The following SGCZ variants were observed in gnomAD, a reference collection of about 807,000 sequenced individuals.
The protein encoded by SGCZ is sarcoglycan zeta.
A neutral mutation model predicts 41.3 loss-of-function variants in SGCZ; 40 were observed. The ratio of observed to expected loss-of-function variants is 0.97; its 90% confidence interval spans 0.75 to 1.26. SGCZ has a LOEUF of 1.26. Among genes scored for constraint, SGCZ ranks in the 50% most tolerant of loss-of-function variants. The probability of loss-of-function intolerance (pLI) is 0.00; values close to 1 mark genes in which losing one functional copy is unlikely to be tolerated. For synonymous variants in SGCZ, 206 were observed against 137.5 expected (o/e 1.50, Z -3.49); for missense variants, 552 against 369.8 (o/e 1.49, Z -4.04).
At chr8:14,989,126 A>C (rs765007745) in intron 1 of SGCZ, among the ~76,000 whole-genome samples, 8 of 152,170 alleles carry the variant, frequency 5.3e-5, no homozygotes, top group Non-Finnish European at 1.0e-4. Context: ...ACCCCAGTTA[A>C]GTTTATGGGA....
intron 1 of SGCZ, among the ~76,000 whole-genome samples, chr8:14,718,757 A>G (rs1327172897): frequency 6.6e-6 from 1 of 151,638 alleles, no homozygotes; most frequent in East Asian, 1.9e-4. Flanking sequence ...TTAATGAAGC[A>G]ATGGAGAAGA....
intron 2 of SGCZ, among the ~76,000 whole-genome samples, chr8:14,373,243 T>A (rs973550211): frequency 1.3e-5 from 2 of 152,308 alleles, no homozygotes; most frequent in Admixed American, 1.3e-4. Flanking sequence ...CAAAAGACCG[T>A]TGGCATTCAC....
At chr8:14,142,809 T>G (rs2116928982) in intron 5 of SGCZ, among the ~76,000 whole-genome samples, 1 of 152,076 alleles carries the variant, frequency 6.6e-6, no homozygotes, top group East Asian at 1.9e-4. Context: ...GAGATCTGGT[T>G]GTTTAAAAGT....
In SGCZ at chr8:15,020,463, A is replaced by G. The variant is rs574482386; in HGVS notation, c.39+217122T>C. Reference sequence around the variant, plus strand: ...GAAGGCTGGGGACATGGGTGCATATATATATGAGGAGATGTTCTTATGCAT... The same window carrying G: ...GAAGGCTGGGGACATGGGTGCATATGTATATGAGGAGATGTTCTTATGCAT... On this transcript the variant is annotated intron_variant, in intron 1 of 7. Coordinates refer to ENST00000382080, the MANE Select transcript of SGCZ (RefSeq NM_139167.4). 5.3e-5 allele frequency among the ~76,000 whole-genome samples: 8 copies of G among 152,198 alleles called. No homozygotes were observed. The South Asian group carries it at 6.2e-4, about 12-fold the overall frequency.
intron 2 of SGCZ, among the ~76,000 whole-genome samples, chr8:14,371,385 T>G (rs544150409): frequency 1.4e-4 from 22 of 152,170 alleles, no homozygotes; most frequent in African/African-American, 5.3e-4. Flanking sequence ...AGTGATAACA[T>G]TTTCCGGTAT....
At chr8:15,210,741 C>T (rs542983617) in intron 1 of SGCZ, among the ~76,000 whole-genome samples, 3 of 152,196 alleles carry the variant, frequency 2.0e-5, no homozygotes, top group Non-Finnish European at 2.9e-5. Flanking sequence ...TCCACACCAG[C>T]GCCCATGCTT....
chr8:14,296,163 C>A (rs1361113002), intron 3 of SGCZ, among the ~76,000 whole-genome samples: 1 of 152,178 alleles, frequency 6.6e-6, no homozygotes, highest in Non-Finnish European at 1.5e-5. Flanking sequence ...CAAGATCTAT[C>A]TGATCTGGCA....
chr8:14,555,202 C>T (rs1468523943), intron 1 of SGCZ, among the ~76,000 whole-genome samples: 1 of 151,924 alleles, frequency 6.6e-6, no homozygotes, highest in Non-Finnish European at 1.5e-5. Flanking sequence ...AAGTTTTTCC[C>T]TTGGGAGGCT....
At chr8:14,198,287 G>A (rs934462886) in intron 4 of SGCZ, among the ~76,000 whole-genome samples, 5 of 152,252 alleles carry the variant, frequency 3.3e-5, no homozygotes, top group Non-Finnish European at 5.9e-5. Flanking sequence ...AACTGTCATG[G>A]TATTATAGTG....
intron 1 of SGCZ, among the ~76,000 whole-genome samples, chr8:14,966,046 A>T (rs1420445741): frequency 6.6e-6 from 1 of 152,074 alleles, no homozygotes; most frequent in African/African-American, 2.4e-5. Context: ...TTAGTTAACT[A>T]ATGAATTTAC....
rs943468441 is a variant in SGCZ, at chr8:14,534,278, G to C, written c.234+20454C>G. Among the ~76,000 whole-genome samples, 19 of 152,014 alleles carry C rather than the reference G, an allele frequency of 1.2e-4. No individual in the cohort carries two copies. In the East Asian group the frequency reaches 3.3e-3, roughly 26 times the overall value. ...GGAAGCAGGTGCAGAAACAGAAGAA[G>C]GGCTCATTGGTGTTCAGTGAAAATG... On this transcript the variant is annotated intron_variant, in intron 2 of 7. Coordinates refer to ENST00000382080, the MANE Select transcript of SGCZ (RefSeq NM_139167.4).
At position 14,164,655 on chromosome 8, in the gene SGCZ, T is replaced by C. The variant is rs879111179; in HGVS notation, c.472A>G (p.Ser158Gly). 6.2e-7 allele frequency: 1 copy of C among 1,613,662 alleles called. No homozygotes were observed. The highest frequency in any genetic ancestry group is 8.5e-7 in the Non-Finnish European group (1 of 1,179,710). The change falls in exon 5 of 8, where the codon AGT becomes GGT. Residue 158 changes from serine to glycine, a missense_variant. Coordinates refer to ENST00000382080, the MANE Select transcript of SGCZ (RefSeq NM_139167.4). ...AQCKRFEVRASEDGRVLFSAD... is the reference protein window; with the variant it reads ...AQCKRFEVRAGEDGRVLFSAD... ...GAAAACAGCACCCTGCCATCTTCACTGGCTCTCACTTCAAATCTTTTACAC... is the reference window on the plus strand; with the variant it reads ...GAAAACAGCACCCTGCCATCTTCACCGGCTCTCACTTCAAATCTTTTACAC...
At chr8:14,656,753 A>G (rs548649118) in intron 1 of SGCZ, among the ~76,000 whole-genome samples, 1 of 151,460 alleles carries the variant, frequency 6.6e-6, no homozygotes, top group African/African-American at 2.4e-5. Context: ...AAAGTTTGGG[A>G]TTTATGAGGA....
intron 2 of SGCZ, among the ~76,000 whole-genome samples, chr8:14,362,443 G>A (rs925655472): frequency 3.3e-5 from 5 of 152,176 alleles, no homozygotes; most frequent in Non-Finnish European, 5.9e-5. Flanking sequence ...ATCCCAGGTG[G>A]ATCTCAGACT....
At position 14,291,264 on chromosome 8, in the gene SGCZ, G is replaced by T. The variant is rs1180403204; in HGVS notation, c.336+32839C>A. On this transcript the variant is annotated intron_variant, in intron 3 of 7. Coordinates refer to ENST00000382080, the MANE Select transcript of SGCZ (RefSeq NM_139167.4). ...TAGGTTAAAGAGAGTTAACAATAAT[G>T]TATTGTACATTTCAAAATAGCTAGA... 2.6e-5 allele frequency among the ~76,000 whole-genome samples: 4 copies of T among 152,106 alleles called. 1 individual carries two copies. Among genetic ancestry groups the T allele is most frequent in the Admixed American group, 2.6e-4 (4 of 15,266 alleles).
At chr8:14,503,770 A>C (rs1563371956) in intron 2 of SGCZ, among the ~76,000 whole-genome samples, 1 of 152,188 alleles carries the variant, frequency 6.6e-6, no homozygotes, top group East Asian at 1.9e-4. Flanking sequence ...CCATCTAAAA[A>C]ACAATAATAA....
intron 3 of SGCZ, among the ~76,000 whole-genome samples, chr8:14,270,809 A>G (rs1323551390): frequency 1.3e-5 from 2 of 152,206 alleles, no homozygotes; most frequent in African/African-American, 2.4e-5. Context: ...ATGTCCAACA[A>G]TGATATAGAC....
intron 5 of SGCZ, among the ~76,000 whole-genome samples, chr8:14,139,964 G>T (rs760921982): frequency 6.6e-6 from 1 of 152,056 alleles, no homozygotes; most frequent in Non-Finnish European, 1.5e-5. Flanking sequence ...AAATCCAGCA[G>T]CACCTCCAAA....
chr8:14,608,373 C>T (rs1805819847), intron 1 of SGCZ, among the ~76,000 whole-genome samples: 1 of 151,182 alleles, frequency 6.6e-6, no homozygotes, highest in African/African-American at 2.4e-5. Context: ...CTGCAGGCTG[C>T]ACAAGCATGG....
Sources: gnomAD v4.1 joint callset for allele counts (sites outside exome capture counted in the v4.1 genomes callset) on GRCh38, gnomAD v4.1.1 for gene constraint, MANE v1.5 for transcripts, NCBI Gene and HGNC (gene_info 2026-07-23, HGNC 2026-07-21) for gene names.